Variants in TRPV4 observed in about 807,000 individuals in gnomAD.
TRPV4 encodes OSM9-like transient receptor potential channel 4.
TRPV4 carries 58 observed loss-of-function variants against 84.1 expected under a neutral mutation model. That is an observed-to-expected ratio of 0.69 (90% CI 0.56 to 0.86). The LOEUF (loss-of-function observed/expected upper bound fraction) is 0.86, where lower values mean the gene tolerates loss of function less well. Ranked by LOEUF, TRPV4 falls within the 40% of genes least tolerant of loss-of-function variation. The pLI, the probability that TRPV4 is intolerant of heterozygous loss-of-function variation, is 0.00. For missense variants in TRPV4, 879 were observed against 1,181.1 expected, an observed-to-expected ratio of 0.74 and a Z score of 3.75; for synonymous variants, 489 against 500.9, an observed-to-expected ratio of 0.98 and a Z score of 0.32.
At position 109,793,137 on chromosome 12, in the gene TRPV4, T is replaced by C. The variant is rs1230494394; in HGVS notation, c.1659-320A>G. 6.6e-6 allele frequency among the ~76,000 whole-genome samples: 1 copy of C among 152,150 alleles called. No individual in the cohort carries two copies. Among genetic ancestry groups the C allele is most frequent in the Non-Finnish European group, 1.5e-5 (1 of 68,032 alleles). The stretch of plus-strand genomic sequence containing the variant: ...CATCATTCTCCAACTCTAAGGGAAA[T>C]GTGAAAGAGGTAACACACACTCAGT... On this transcript the variant is annotated intron_variant, in intron 10 of 15. Transcript: ENST00000261740. This position sits in a 1 kb window ranked among gnomAD's most constrained non-coding sequence, Gnocchi z 4.0.
intron 7 of TRPV4, among the ~76,000 whole-genome samples, chr12:109,795,684 G>A (rs1890342230): frequency 6.6e-6 from 1 of 152,158 alleles, no homozygotes; most frequent in Non-Finnish European, 1.5e-5. Flanking sequence ...ATATTTAAAA[G>A]TACAGAACGA....
chr12:109,797,560 C>T (rs535981910), intron 6 of TRPV4, among the ~76,000 whole-genome samples: 1 of 152,206 alleles, frequency 6.6e-6, no homozygotes, highest in Non-Finnish European at 1.5e-5. Context: ...CTCAAGTGCT[C>T]CTCCCACCTC....
At chr12:109,801,552 C>T (rs531342590) in intron 4 of TRPV4, among the ~76,000 whole-genome samples, 2 of 152,270 alleles carry the variant, frequency 1.3e-5, no homozygotes, top group East Asian at 1.9e-4. Flanking sequence ...CCCAGCCCTG[C>T]GGAACTGTGA....
At chr12:109,784,486 T>A (rs1208638699) in intron 14 of TRPV4, 49 bp from the exon 15 acceptor site, 1 of 1,613,826 alleles carries the variant, frequency 6.2e-7, no homozygotes, top group South Asian at 1.1e-5. Flanking sequence ...AGAGACGCTC[T>A]CCATGCCACC....
chr12:109,790,509 G>A (rs1889959676), intron 12 of TRPV4, among the ~76,000 whole-genome samples: 1 of 152,220 alleles, frequency 6.6e-6, no homozygotes, highest in South Asian at 2.1e-4. Context: ...AAATACCTGG[G>A]CTGCTAGTTT....
rs1482822191 is a variant in TRPV4, at chr12:109,796,763, C to T, written c.1153-59G>A. ...CACTGGAAAGACCCCCAGGGCTGGGCCCAGCTCAGCACATGACGCCTCCCC... is the reference window on the plus strand; with the variant it reads ...CACTGGAAAGACCCCCAGGGCTGGGTCCAGCTCAGCACATGACGCCTCCCC... On this transcript the variant is annotated intron_variant, in intron 6 of 15. Coordinates refer to ENST00000261740, the MANE Select transcript of TRPV4 (RefSeq NM_021625.5). The surrounding 1 kb of genome is among the most constrained non-coding windows in gnomAD (Gnocchi z 4.2). The T allele has an allele frequency of 1.3e-6, 2 of 1,553,966 alleles. No homozygotes were observed. The highest frequency in any genetic ancestry group is 1.7e-6 in the Non-Finnish European group (2 of 1,147,944).
In TRPV4 at chr12:109,827,794, A is replaced by T. The variant is rs549323230; in HGVS notation, c.-32+5556T>A. On this transcript the variant is annotated intron_variant, in intron 1 of 15. Coordinates refer to ENST00000261740, the MANE Select transcript of TRPV4 (RefSeq NM_021625.5). Reference sequence around the variant, plus strand: ...CATATATACACAAACATACACATAAACATATAGTCATACATATACACACAT... The same window carrying T: ...CATATATACACAAACATACACATAATCATATAGTCATACATATACACACAT... Among the ~76,000 whole-genome samples the T allele has an allele frequency of 5.9e-5, 9 of 152,236 alleles. No individual in the cohort carries two copies. The East Asian group carries it at 1.5e-3, about 26-fold the overall frequency.
rs112206027 is a variant in TRPV4 at position 109,784,685 on chromosome 12, A to T, written c.2337-248T>A. On this transcript the variant is annotated intron_variant, in intron 14 of 15. Coordinates refer to ENST00000261740, the MANE Select transcript of TRPV4 (RefSeq NM_021625.5). The stretch of plus-strand genomic sequence containing the variant: ...CCTCTACTAAAAATTAAAAAAAATT[A>T]AAAAAAAAATTAGCGGGGCATGGTG... Among the ~76,000 whole-genome samples, 342 of 149,112 alleles carry T rather than the reference A, an allele frequency of 2.3e-3. 1 individual carries two copies. Among genetic ancestry groups the T allele is most frequent in the Non-Finnish European group, 3.7e-3 (250 of 67,248 alleles).
At position 109,788,634 on chromosome 12, in the gene TRPV4, G is replaced by A. The variant is rs1889847875; in HGVS notation, c.1974C>T (p.Pro658=). Residue 658 remains proline (P), a synonymous_variant, in exon 13 of 16, where the codon CCC becomes CCT. Coordinates refer to ENST00000261740, the MANE Select transcript of TRPV4 (RefSeq NM_021625.5). The stretch of plus-strand genomic sequence containing the variant: ...TGAAGGTCTCGCTGTCACGGCACGA[G>A]GGGTAAGTGGGCACTGTGCAGTTGG... ...DQTNCTVPTY[P]SCRDSETFST... 6.2e-7 allele frequency: 1 copy of A among 1,614,256 alleles called. No individual in the cohort carries two copies. Among genetic ancestry groups the A allele is most frequent in the Non-Finnish European group, 8.5e-7 (1 of 1,180,054 alleles).
intron 7 of TRPV4, among the ~76,000 whole-genome samples, chr12:109,795,832 C>T (rs1226897531): frequency 3.9e-5 from 6 of 152,122 alleles, no homozygotes; most frequent in Admixed American, 1.3e-4. Context: ...ACTGAAGCCT[C>T]GACCTCCCCA....
chr12:109,800,631 G>GC lies in TRPV4; in HGVS notation c.839dup (p.Tyr281LeufsTer53). 6.2e-7 allele frequency: 1 copy of GC among 1,614,202 alleles called. No homozygotes were observed. The highest frequency in any genetic ancestry group is 8.5e-7 in the Non-Finnish European group (1 of 1,180,042). ...GCCCCTCCTTACCAAAGTAGAAGTA[G>GC]CCCCCCTCATCCTTGGGCTGGAAGA... On this transcript the variant is annotated frameshift_variant, in exon 5 of 16. Transcript: ENST00000261740. LOFTEE classifies it high-confidence loss of function.
intron 1 of TRPV4, among the ~76,000 whole-genome samples, chr12:109,822,621 A>G (rs966047489): frequency 1.3e-5 from 2 of 152,184 alleles, no homozygotes; most frequent in East Asian, 3.9e-4. Flanking sequence ...TTTGATGGAC[A>G]CTTTACAAAG....
chr12:109,795,308 T>C (rs935770459), intron 7 of TRPV4, among the ~76,000 whole-genome samples: 4 of 152,184 alleles, frequency 2.6e-5, no homozygotes, highest in African/African-American at 9.7e-5. Context: ...ATCAATCAGT[T>C]TGCACCTGAG....
intron 2 of TRPV4, among the ~76,000 whole-genome samples, chr12:109,811,389 G>A (rs1250170567): frequency 6.6e-6 from 1 of 152,198 alleles, no homozygotes; most frequent in African/African-American, 2.4e-5. Context: ...TGGGTGCGGT[G>A]GCTCACGCCT....
intron 2 of TRPV4, among the ~76,000 whole-genome samples, chr12:109,809,401 TCATC>T (rs750920750): frequency 1.5e-5 from 2 of 132,552 alleles, no homozygotes; most frequent in African/African-American, 5.8e-5. Context: ...CATCCATCAC[TCATC>T]CATCCATCCA....
At chr12:109,823,226 C>T (rs1892159154) in intron 1 of TRPV4, among the ~76,000 whole-genome samples, 4 of 152,240 alleles carry the variant, frequency 2.6e-5, no homozygotes, top group Non-Finnish European at 5.9e-5. Context: ...GCCCAGCCCG[C>T]TTCCTGTTTG....
In TRPV4 at chr12:109,814,986, C is replaced by T. The variant is rs1481275613; in HGVS notation, c.-31-159G>A. On this transcript the variant is annotated intron_variant, in intron 1 of 15. Coordinates refer to ENST00000261740, the MANE Select transcript of TRPV4 (RefSeq NM_021625.5). This position sits in a 1 kb window ranked among gnomAD's most constrained non-coding sequence, Gnocchi z 5.4. Reference sequence around the variant, plus strand: ...GAGGCCACTCCCAGATGTGGTTGGCCGCCAGCCTCAGGCGGGAACTGCAAC... The same window carrying T: ...GAGGCCACTCCCAGATGTGGTTGGCTGCCAGCCTCAGGCGGGAACTGCAAC... 7.3e-6 allele frequency: 5 copies of T among 689,616 alleles called. No homozygotes were observed. The highest frequency in any genetic ancestry group is 1.9e-5 in the South Asian group (1 of 53,014). The allele number at this position is 689,616 out of a possible 1,614,324, so 42.7% of individuals were successfully genotyped here.
At chr12:109,822,424 G>A (rs1048952429) in intron 1 of TRPV4, among the ~76,000 whole-genome samples, 3 of 152,178 alleles carry the variant, frequency 2.0e-5, no homozygotes, top group African/African-American at 4.8e-5. Context: ...GGATAGGAAG[G>A]TACTAGGAAG....
At position 109,828,642 on chromosome 12, in the gene TRPV4, T is replaced by C. The variant is rs371715730; in HGVS notation, c.-32+4708A>G. On this transcript the variant is annotated intron_variant, in intron 1 of 15. Transcript: ENST00000261740. Reference sequence around the variant, plus strand: ...CAACTGGCGGAGCTGGGAGGTAAGCTAAGGTGGCTCAGACGCCAAGGTGGG... The same window carrying C: ...CAACTGGCGGAGCTGGGAGGTAAGCCAAGGTGGCTCAGACGCCAAGGTGGG... 2.0e-5 allele frequency among the ~76,000 whole-genome samples: 3 copies of C among 152,282 alleles called. No homozygotes were observed. The South Asian group carries it at 6.2e-4, about 32-fold the overall frequency.
Sources: allele counts gnomAD v4.1 joint callset (sites outside exome capture counted in the v4.1 genomes callset), GRCh38; gene constraint gnomAD v4.1.1; non-coding constraint Gnocchi (gnomAD v3.1); transcripts MANE v1.5; gene names NCBI Gene and HGNC (gene_info 2026-07-23, HGNC 2026-07-21).